Variants in SYTL2 observed in about 807,000 individuals in gnomAD.
SYTL2 encodes the protein synaptotagmin like 2.
Under a neutral mutation model 198.7 loss-of-function variants are expected in SYTL2, and 165 were observed. That is an observed-to-expected ratio of 0.83 (90% confidence interval 0.73 to 0.94). The LOEUF (loss-of-function observed/expected upper bound fraction) is 0.94, where lower values mean the gene tolerates loss of function less well. Among genes scored for constraint, SYTL2 ranks in the 40% least tolerant of loss-of-function variants. The pLI is 0.00. For synonymous variants in SYTL2, 966 were observed against 917.7 expected (o/e 1.05, Z -0.95); for missense variants, 2,835 against 2,582.8 (o/e 1.10, Z -2.12).
At chr11:85,765,183 G>C (rs1380328371) in intron 1 of SYTL2, among the ~76,000 whole-genome samples, 1 of 152,208 alleles carries the variant, frequency 6.6e-6, no homozygotes, top group East Asian at 1.9e-4. Context: ...TTTATAAAGA[G>C]GTGAACAAAT....
chr11:85,804,332 G>A (rs2092929641), intron 1 of SYTL2, among the ~76,000 whole-genome samples: 1 of 152,228 alleles, frequency 6.6e-6, no homozygotes, highest in Admixed American at 6.5e-5. Flanking sequence ...GTAATTTCAT[G>A]AACAGTAGAG....
Position 85,788,801 on chromosome 11 carries a change from G to T in SYTL2, c.-390+22153C>A, listed in dbSNP as rs192482531. On this transcript the variant is annotated intron_variant, in intron 1 of 19. Transcript: ENST00000359152. ...AAAAAAAAAAGAAAGGAAATGAGAAGGAATCATCCATGACTGAGACACAGA... is the reference window on the plus strand; with the variant it reads ...AAAAAAAAAAGAAAGGAAATGAGAATGAATCATCCATGACTGAGACACAGA... 1.0e-3 allele frequency among the ~76,000 whole-genome samples: 152 copies of T among 151,796 alleles called. 1 individual carries two copies. Among genetic ancestry groups the T allele is most frequent in the African/African-American group, 3.5e-3 (145 of 41,364 alleles).
intron 1 of SYTL2, among the ~76,000 whole-genome samples, chr11:85,810,424 T>C (rs2153665901): frequency 6.6e-6 from 1 of 152,246 alleles, no homozygotes; most frequent in South Asian, 2.1e-4. Context: ...CAAAGGATGA[T>C]AAAGCCCACT....
chr11:85,774,492 A>C (rs957187690), intron 1 of SYTL2, among the ~76,000 whole-genome samples: 1 of 152,152 alleles, frequency 6.6e-6, no homozygotes, highest in Non-Finnish European at 1.5e-5. Flanking sequence ...CTGCAAAGGA[A>C]CCCCAAGAGG....
At chr11:85,833,753 CAGA>C in the SYTL2 span, among the ~76,000 whole-genome samples, 268 of 127,124 alleles carry the variant, frequency 2.1e-3, no homozygotes, top group Non-Finnish European at 3.3e-3. Flanking sequence ...TTTTTTGAGA[CAGA>C]GTCTCACTCC....
At chr11:85,804,987 C>T (rs1190051664) in intron 1 of SYTL2, among the ~76,000 whole-genome samples, 1 of 152,192 alleles carries the variant, frequency 6.6e-6, no homozygotes, top group Non-Finnish European at 1.5e-5. Flanking sequence ...GCATCTCAAT[C>T]TGCTTTTGCT....
At chr11:85,714,672 G>A (rs938459272) in intron 11 of SYTL2, 165 bp from the exon 12 acceptor site, 12 of 1,346,920 alleles carry the variant, frequency 8.9e-6, no homozygotes, top group Non-Finnish European at 6.7e-6. Context: ...TTAGCAACAT[G>A]CAGTTTTTAT....
At chr11:85,736,445 C>A (rs998647027) in intron 6 of SYTL2, 56 bp downstream of exon 6, 10 of 879,898 alleles carry the variant, frequency 1.1e-5, no homozygotes, top group Non-Finnish European at 1.8e-5. Flanking sequence ...TGAGAATTTC[C>A]CTTAGTCCAC....
intron 1 of SYTL2, among the ~76,000 whole-genome samples, chr11:85,802,659 A>T (rs2092907746): frequency 6.6e-6 from 1 of 152,230 alleles, no homozygotes; most frequent in Admixed American, 6.5e-5. Flanking sequence ...AAGAAAGAGA[A>T]GGGAAGAGAG....
At chr11:85,707,662 C>T (rs747966421) in intron 14 of SYTL2, 131 bp from the exon 15 acceptor site, 19 of 640,560 alleles carry the variant, frequency 3.0e-5, no homozygotes, top group Non-Finnish European at 5.2e-5. Flanking sequence ...CAGTGAATAA[C>T]AAATTTTCCT....
intron 3 of SYTL2, 80 bp from the exon 4 acceptor site, chr11:85,745,852 G>A (rs931673999): frequency 6.9e-7 from 1 of 1,458,770 alleles, no homozygotes; most frequent in Admixed American, 1.8e-5. Context: ...TCTTATCACT[G>A]AAGCCTTGAA....
chr11:85,727,303 G>A lies in SYTL2; in HGVS notation c.2055C>T (p.Cys685=). Residue 685 remains cysteine, a synonymous_variant, in exon 8 of 20, where the codon TGC becomes TGT. Transcript: ENST00000359152. ...CCAAGTTGCCAATATTATTAGTGTT[G>A]CATGGAACTTGGTTTTCTGCATCAG... ...KESDAENQVP[C]NTNNIGNLGE... 1 of 1,535,680 alleles carries A rather than the reference G, an allele frequency of 6.5e-7. No individual in the cohort carries two copies.
intron 16 of SYTL2, among the ~76,000 whole-genome samples, chr11:85,701,248 G>A (rs575797122): frequency 1.3e-5 from 2 of 152,264 alleles, no homozygotes; most frequent in African/African-American, 2.4e-5. Context: ...ATATCTTAGG[G>A]ATGGGACCCA....
At chr11:85,739,631 C>G (rs957528218) in intron 4 of SYTL2, among the ~76,000 whole-genome samples, 1 of 152,166 alleles carries the variant, frequency 6.6e-6, no homozygotes, top group Non-Finnish European at 1.5e-5. Context: ...ATTGGGCAAT[C>G]AGTACTGCAA....
chr11:85,803,760 T>G (rs1164233857), intron 1 of SYTL2, among the ~76,000 whole-genome samples: 1 of 152,240 alleles, frequency 6.6e-6, no homozygotes, highest in African/African-American at 2.4e-5. Flanking sequence ...AATTGTTTGT[T>G]TGGCCATTTA....
At chr11:85,837,353 T>C in the SYTL2 span, among the ~76,000 whole-genome samples, 1 of 152,142 alleles carries the variant, frequency 6.6e-6, no homozygotes, top group African/African-American at 2.4e-5. Context: ...TCTCTCTTTC[T>C]CCACGTGAAC....
At chr11:85,770,352 T>C (rs1055192372) in intron 1 of SYTL2, among the ~76,000 whole-genome samples, 5 of 152,168 alleles carry the variant, frequency 3.3e-5, no homozygotes, top group Non-Finnish European at 5.9e-5. Flanking sequence ...TGTAGGCGGA[T>C]GTAATTTTCT....
chr11:85,804,348 T>C (rs999457754), intron 1 of SYTL2, among the ~76,000 whole-genome samples: 1 of 152,226 alleles, frequency 6.6e-6, no homozygotes, highest in African/African-American at 2.4e-5. Flanking sequence ...TAGAGCAGAA[T>C]ACAAGTAGGG....
At chr11:85,789,348 A>ATATATATATATATATATATATG (rs1566025968) in intron 1 of SYTL2, among the ~76,000 whole-genome samples, 9 of 57,854 alleles carry the variant, frequency 1.6e-4, no homozygotes, top group East Asian at 8.8e-4. Context: ...GTGTATATAT[A>ATATATATATATATATATATATG]TATATATATA....
Sources: gnomAD v4.1 joint callset for allele counts (sites outside exome capture counted in the v4.1 genomes callset) on GRCh38, gnomAD v4.1.1 for gene constraint, MANE v1.5 for transcripts, NCBI Gene and HGNC (gene_info 2026-07-23, HGNC 2026-07-21) for gene names.